The following PCDH7 variants were observed in gnomAD, a reference collection of about 807,000 sequenced individuals.
PCDH7 encodes protocadherin-7.
A neutral mutation model predicts 58.9 loss-of-function variants in PCDH7; 17 were observed. The observed-to-expected ratio is 0.29, with a 90% CI of 0.20 to 0.43. The LOEUF is 0.43. Among genes scored for constraint, PCDH7 ranks in the 20% least tolerant of loss-of-function variants. PCDH7 has a pLI of 1.00. For missense variants in PCDH7, 1,274 were observed against 1,441.0 expected, an observed-to-expected ratio of 0.88 and a Z score of 1.88; for synonymous variants, 664 against 616.4, an observed-to-expected ratio of 1.08 and a Z score of -1.14.
intron 3 of PCDH7, among the ~76,000 whole-genome samples, chr4:30,960,084 AG>A (rs1748240186): frequency 7.4e-6 from 1 of 134,616 alleles, no homozygotes; most frequent in African/African-American, 2.7e-5. Context: ...GAGGGGAGGA[AG>A]GAAGGAAGGA....
At position 30,774,131 on chromosome 4, in the gene PCDH7, A is replaced by G. The variant is rs150655475; in HGVS notation, c.70+49535A>G. 5.8e-4 allele frequency among the ~76,000 whole-genome samples: 89 copies of G among 152,210 alleles called. No individual in the cohort carries two copies. The East Asian group carries it at 7.2e-3, about 12-fold the overall frequency. ...GCTTTCTGACTTTTCTCTGACCTCT[A>G]GAGTCCCTTTCATTGATTTCTTCTG... On this transcript the variant is annotated intron_variant, in intron 1 of 3. Transcript: ENST00000509759.
intron 3 of PCDH7, among the ~76,000 whole-genome samples, chr4:31,118,319 T>G (rs1670189718): frequency 6.6e-6 from 1 of 152,206 alleles, no homozygotes; most frequent in African/African-American, 2.4e-5. Context: ...TATCAGCGAC[T>G]GGGAACTGTA....
At chr4:30,818,171 T>C (rs552961177) in intron 1 of PCDH7, among the ~76,000 whole-genome samples, 17 of 152,308 alleles carry the variant, frequency 1.1e-4, no homozygotes, top group African/African-American at 4.1e-4. Flanking sequence ...GATCACTCTA[T>C]TTGAAATTGC....
intron 1 of PCDH7, among the ~76,000 whole-genome samples, chr4:30,911,100 T>C (rs1042482409): frequency 6.6e-6 from 1 of 151,448 alleles, no homozygotes; most frequent in Non-Finnish European, 1.5e-5. Flanking sequence ...TAAGTGGGAG[T>C]TGAACAATGA....
chr4:30,879,627 C>G (rs1251066813), intron 1 of PCDH7, among the ~76,000 whole-genome samples: 4 of 151,994 alleles, frequency 2.6e-5, no homozygotes, highest in African/African-American at 9.7e-5. Context: ...TCACAGGGAC[C>G]CTGACCACTG....
intron 1 of PCDH7, among the ~76,000 whole-genome samples, chr4:30,815,440 T>C (rs928997074): frequency 3.9e-5 from 6 of 152,184 alleles, no homozygotes; most frequent in African/African-American, 1.4e-4. Context: ...TAGATCCAAG[T>C]GCTCCATCCG....
intron 1 of PCDH7, among the ~76,000 whole-genome samples, chr4:30,792,220 C>A (rs971811653): frequency 6.6e-6 from 1 of 152,116 alleles, no homozygotes; most frequent in Non-Finnish European, 1.5e-5. Context: ...TGAGAATGTT[C>A]AGTTTTGCTT....
intron 2 of PCDH7, among the ~76,000 whole-genome samples, chr4:30,925,269 A>C (rs1743709468): frequency 6.6e-6 from 1 of 152,200 alleles, no homozygotes. Context: ...GGCCAAGTGT[A>C]ATGAGCATAG....
Position 30,767,644 on chromosome 4 carries a change from T to A in PCDH7, c.70+43048T>A, listed in dbSNP as rs186457237. 2.1e-3 allele frequency among the ~76,000 whole-genome samples: 315 copies of A among 152,310 alleles called. 2 individuals are homozygous for A. Among genetic ancestry groups the A allele is most frequent in the South Asian group, 2.7e-3 (13 of 4,826 alleles). ...TTTCATTTGGGCTAGGAATCTTTAGTAGCTCTGCCAACAGTCAGGAAACTC... is the reference window on the plus strand; with the variant it reads ...TTTCATTTGGGCTAGGAATCTTTAGAAGCTCTGCCAACAGTCAGGAAACTC... On this transcript the variant is annotated intron_variant, in intron 1 of 3. Transcript: ENST00000509759.
chr4:30,741,165 G>A (rs1577612700), intron 1 of PCDH7, among the ~76,000 whole-genome samples: 1 of 151,886 alleles, frequency 6.6e-6, no homozygotes, highest in Non-Finnish European at 1.5e-5. Flanking sequence ...TAAAATTTTA[G>A]ACTTCAAAAA....
chr4:30,860,823 T>G (rs1489388808), intron 1 of PCDH7, among the ~76,000 whole-genome samples: 3 of 152,180 alleles, frequency 2.0e-5, no homozygotes, highest in African/African-American at 7.2e-5. Context: ...GTTTTGGTAA[T>G]TGGGTTTAAG....
At chr4:31,045,295 A>G (rs565569261) in intron 3 of PCDH7, among the ~76,000 whole-genome samples, 2 of 151,480 alleles carry the variant, frequency 1.3e-5, no homozygotes, top group Admixed American at 1.3e-4. Context: ...TTTTTTCCCT[A>G]GGGATTTGTA....
intron 1 of PCDH7, among the ~76,000 whole-genome samples, chr4:30,845,944 T>G (rs990406968): frequency 6.6e-5 from 10 of 152,160 alleles, no homozygotes; most frequent in Non-Finnish European, 1.3e-4. Context: ...AACTCAATAC[T>G]ATGTAAAAAG....
At chr4:30,839,988 T>G (rs1730999146) in intron 1 of PCDH7, among the ~76,000 whole-genome samples, 1 of 151,926 alleles carries the variant, frequency 6.6e-6, no homozygotes, top group African/African-American at 2.4e-5. Flanking sequence ...GCTTTATGAT[T>G]AGCTAAGCAA....
At chr4:30,788,741 A>G (rs1400079223) in intron 1 of PCDH7, among the ~76,000 whole-genome samples, 3 of 152,180 alleles carry the variant, frequency 2.0e-5, no homozygotes, top group East Asian at 3.9e-4. Context: ...GTGTGTGGAG[A>G]GAAACACTCT....
intron 1 of PCDH7, among the ~76,000 whole-genome samples, chr4:30,801,826 C>T (rs571148553): frequency 6.6e-6 from 1 of 152,272 alleles, no homozygotes; most frequent in South Asian, 2.1e-4. Flanking sequence ...CTCTTTCAAA[C>T]ACTACTGCTG....
intron 3 of PCDH7, among the ~76,000 whole-genome samples, chr4:31,059,593 T>C (rs1560611273): frequency 6.6e-6 from 1 of 151,862 alleles, no homozygotes; most frequent in Admixed American, 6.6e-5. Flanking sequence ...GAACACATAG[T>C]AAAAGAATAT....
rs773624684 is a variant in PCDH7, at chr4:30,731,015, A to T, written c.*227A>T. On this transcript the variant is annotated 3_prime_UTR_variant, in exon 2 of 2. Coordinates refer to ENST00000361762, the Ensembl canonical transcript of PCDH7. The stretch of plus-strand genomic sequence containing the variant: ...TAATGCAGAAATGTGCTACTAATGG[A>T]TGTCTGAGTCACCAGAAATTCCATT... The T allele has an allele frequency of 4.6e-5, 55 of 1,208,536 alleles. 1 individual carries two copies. Among genetic ancestry groups the T allele is most frequent in the Non-Finnish European group, 5.4e-5 (53 of 973,098 alleles). The allele number at this position is 1,208,536 out of a possible 1,614,324, so 74.9% of individuals were successfully genotyped here. A position where few individuals can be genotyped will look rare whatever the true frequency, so the allele number is the denominator to read the frequency against.
chr4:30,845,256 G>T (rs1169671200), intron 1 of PCDH7, among the ~76,000 whole-genome samples: 1 of 152,106 alleles, frequency 6.6e-6, no homozygotes, highest in Non-Finnish European at 1.5e-5. Context: ...TTAACAGGAG[G>T]TTTTAGCCTT....
Sources: gnomAD v4.1 joint callset for allele counts (sites outside exome capture counted in the v4.1 genomes callset) on GRCh38, gnomAD v4.1.1 for gene constraint, MANE v1.5 for transcripts, NCBI Gene and HGNC (gene_info 2026-07-23, HGNC 2026-07-21) for gene names.